Variants in ZSWIM5 observed in about 807,000 individuals in gnomAD.
ZSWIM5 encodes zinc finger SWIM-type containing 5, also known as zinc finger SWIM domain-containing protein 5.
Under a neutral mutation model 119.6 loss-of-function variants are expected in ZSWIM5, and 55 were observed. The ratio of observed to expected loss-of-function variants is 0.46; its 90% CI spans 0.37 to 0.58. ZSWIM5 has a LOEUF of 0.58. Ranked by LOEUF, ZSWIM5 falls within the 20% of genes least tolerant of loss-of-function variation. The pLI is 0.00. For synonymous variants in ZSWIM5, 537 were observed against 606.9 expected (o/e 0.88, Z 1.69); for missense variants, 1,193 against 1,512.8 (o/e 0.79, Z 3.51).
chr1:45,199,000 A>G (rs1646142239), intron 1 of ZSWIM5, among the ~76,000 whole-genome samples: 1 of 152,192 alleles, frequency 6.6e-6, no homozygotes, highest in Non-Finnish European at 1.5e-5. Flanking sequence ...TTGCTTAAGT[A>G]TATGATTAGC....
At chr1:45,103,441 C>T (rs1202753105) in intron 1 of ZSWIM5, among the ~76,000 whole-genome samples, 3 of 152,176 alleles carry the variant, frequency 2.0e-5, no homozygotes, top group African/African-American at 4.8e-5. Context: ...GATCACACAA[C>T]CTGTAAAATG....
In ZSWIM5 at chr1:45,032,595, C is replaced by T. The variant is rs957947681; in HGVS notation, c.2449+1717G>A. 3.4e-5 allele frequency among the ~76,000 whole-genome samples: 5 copies of T among 148,900 alleles called. No individual in the cohort carries two copies. The South Asian group carries it at 6.4e-4, about 19-fold the overall frequency. On this transcript the variant is annotated intron_variant, in intron 11 of 13. Coordinates refer to ENST00000359600, the MANE Select transcript of ZSWIM5 (RefSeq NM_020883.2). ...CTGCTTCCCAGGTTCAAGCGATCCT[C>T]GTGCCACAGCCTCCTGAGTAGCTGG...
At chr1:45,159,613 G>A (rs538003483) in intron 1 of ZSWIM5, among the ~76,000 whole-genome samples, 2 of 151,890 alleles carry the variant, frequency 1.3e-5, no homozygotes, top group Non-Finnish European at 2.9e-5. Flanking sequence ...TTTTCAGACT[G>A]AGTCTTACTC....
chr1:45,088,342 C>T lies in ZSWIM5; in HGVS notation c.596-105G>A. 1 of 785,542 alleles carries T rather than the reference C, an allele frequency of 1.3e-6. No homozygotes were observed. Among genetic ancestry groups the T allele is most frequent in the Non-Finnish European group, 2.0e-6 (1 of 506,736 alleles). 48.7% of individuals were successfully genotyped at this position (785,542 alleles called of 1,614,324 possible). Reference sequence around the variant, plus strand: ...AATTCATAAATTATGTATTGGGTATCTCCTACACACGTACATGATAGGCTT... The same window carrying T: ...AATTCATAAATTATGTATTGGGTATTTCCTACACACGTACATGATAGGCTT... On this transcript the variant is annotated intron_variant, in intron 1 of 13. Coordinates refer to ENST00000359600, the MANE Select transcript of ZSWIM5 (RefSeq NM_020883.2). This position sits in a 1 kb window ranked among gnomAD's most constrained non-coding sequence, Gnocchi z 4.2.
At chr1:45,058,467 G>T in intron 4 of ZSWIM5, 142 bp downstream of exon 4, 1 of 916,434 alleles carries the variant, frequency 1.1e-6, no homozygotes, top group Non-Finnish European at 1.6e-6. Flanking sequence ...GTGTTACTCT[G>T]GGTGGCCTCT....
intron 1 of ZSWIM5, among the ~76,000 whole-genome samples, chr1:45,139,362 T>C (rs1343661538): frequency 1.3e-5 from 2 of 151,288 alleles, no homozygotes; most frequent in Non-Finnish European, 3.0e-5. Context: ...CTTTCTTTTC[T>C]TTTCTTTTTT....
rs1645028692 is a variant in ZSWIM5 at position 45,043,455 on chromosome 1, G to A, written c.1433-60C>T. On this transcript the variant is annotated intron_variant, in intron 5 of 13. Transcript: ENST00000359600. Reference sequence around the variant, plus strand: ...AGGCAATTTGAAGTTTTAAGCCCTGGGTCTTCTTCAGGGTGGGAGGTTGGC... The same window carrying A: ...AGGCAATTTGAAGTTTTAAGCCCTGAGTCTTCTTCAGGGTGGGAGGTTGGC... 3.2e-6 allele frequency: 5 copies of A among 1,558,422 alleles called. No individual in the cohort carries two copies. In the East Asian group the frequency reaches 1.1e-4, roughly 35 times the overall value.
intron 1 of ZSWIM5, among the ~76,000 whole-genome samples, chr1:45,182,763 C>T (rs1473958292): frequency 1.3e-5 from 2 of 152,050 alleles, no homozygotes; most frequent in Non-Finnish European, 1.5e-5. Context: ...TCCTGAGTGA[C>T]CTACAAAGAG....
At chr1:45,106,059 C>G (rs1388864153) in intron 1 of ZSWIM5, among the ~76,000 whole-genome samples, 3 of 136,194 alleles carry the variant, frequency 2.2e-5, no homozygotes, top group Non-Finnish European at 3.2e-5. Context: ...GCCGCCCCGT[C>G]TGGGAGGTGA....
chr1:45,027,378 T>C (rs1253954850), intron 11 of ZSWIM5, among the ~76,000 whole-genome samples: 4 of 151,946 alleles, frequency 2.6e-5, no homozygotes, highest in African/African-American at 9.7e-5. Context: ...GATTTTATTT[T>C]ATAATTATTT....
intron 1 of ZSWIM5, among the ~76,000 whole-genome samples, chr1:45,200,973 G>A (rs964900932): frequency 2.0e-5 from 3 of 152,166 alleles, no homozygotes; most frequent in Non-Finnish European, 4.4e-5. Flanking sequence ...TTTGGGAATA[G>A]GGTTGTTGTG....
At chr1:45,133,281 T>C (rs1305324467) in intron 1 of ZSWIM5, among the ~76,000 whole-genome samples, 5 of 152,220 alleles carry the variant, frequency 3.3e-5, no homozygotes, top group Admixed American at 3.3e-4. Context: ...ACCTGTTGTT[T>C]CCTGACTTTT....
chr1:45,121,283 T>C (rs1272688314), intron 1 of ZSWIM5, among the ~76,000 whole-genome samples: 1 of 152,000 alleles, frequency 6.6e-6, no homozygotes, highest in Non-Finnish European at 1.5e-5. Flanking sequence ...CTTTGGATTA[T>C]TTTTTCTCAT....
In ZSWIM5 at chr1:45,205,184, C is replaced by T. The variant is rs1432036142; in HGVS notation, c.595+572G>A. Reference sequence around the variant, plus strand: ...GGAGAAGCTGTCACATTTCCATCTTCGGTTATTGTTAGTCCGCAGCCTAGA... The same window carrying T: ...GGAGAAGCTGTCACATTTCCATCTTTGGTTATTGTTAGTCCGCAGCCTAGA... On this transcript the variant is annotated intron_variant, in intron 1 of 13. Coordinates refer to ENST00000359600, the MANE Select transcript of ZSWIM5 (RefSeq NM_020883.2). 4.7e-5 allele frequency among the ~76,000 whole-genome samples: 7 copies of T among 149,502 alleles called. No individual in the cohort carries two copies. The East Asian group carries it at 5.9e-4, about 13-fold the overall frequency.
Position 45,057,422 on chromosome 1 carries a change from T to C in ZSWIM5, c.1252+1187A>G, listed in dbSNP as rs1048009530. Among the ~76,000 whole-genome samples the C allele has an allele frequency of 2.6e-5, 4 of 152,342 alleles. No homozygotes were observed. In the East Asian group the frequency reaches 7.7e-4, roughly 29 times the overall value. On this transcript the variant is annotated intron_variant, in intron 4 of 13. Transcript: ENST00000359600. This position sits in a 1 kb window ranked among gnomAD's most constrained non-coding sequence, Gnocchi z 4.7. ...AAAAGCACCAGGAGCCATCTCTACT[T>C]ACTTCCTCCCAACTACCTTTGTCCC...
intron 1 of ZSWIM5, among the ~76,000 whole-genome samples, chr1:45,107,976 T>G (rs1338679746): frequency 6.6e-6 from 1 of 152,094 alleles, no homozygotes. Context: ...TTTTATTTTT[T>G]GTAGAGATGG....
At position 45,039,153 on chromosome 1, in the gene ZSWIM5, C is replaced by T; in HGVS notation, c.1757-80G>A. ...TCCCTGCCTGGGTCTTCTTATCAGTCTCTCCAGCCTTGACCCTGAGAGTCA... is the reference window on the plus strand; with the variant it reads ...TCCCTGCCTGGGTCTTCTTATCAGTTTCTCCAGCCTTGACCCTGAGAGTCA... On this transcript the variant is annotated intron_variant, in intron 7 of 13. Coordinates refer to ENST00000359600, the MANE Select transcript of ZSWIM5 (RefSeq NM_020883.2). The T allele has an allele frequency of 2.0e-6, 3 of 1,524,334 alleles. No homozygotes were observed. The South Asian group carries it at 3.6e-5, about 18-fold the overall frequency. 94.4% of individuals were successfully genotyped at this position (1,524,334 alleles called of 1,614,324 possible).
chr1:45,158,355 G>A (rs1645843682), intron 1 of ZSWIM5, among the ~76,000 whole-genome samples: 1 of 151,878 alleles, frequency 6.6e-6, no homozygotes, highest in Admixed American at 6.6e-5. Context: ...TTTTAGTAGA[G>A]GCAGGGTTTT....
At chr1:45,197,579 C>T (rs4660295) in intron 1 of ZSWIM5, among the ~76,000 whole-genome samples, 22,033 of 152,010 alleles carry the variant, frequency 0.14, 1,642 homozygotes, top group Non-Finnish European at 0.16. Context: ...TTTCTAGTTT[C>T]GGGCTATTAT....
Sources: gnomAD v4.1 joint callset for allele counts (sites outside exome capture counted in the v4.1 genomes callset) on GRCh38, gnomAD v4.1.1 for gene constraint, Gnocchi (gnomAD v3.1) non-coding constraint, MANE v1.5 for transcripts, NCBI Gene and HGNC (gene_info 2026-07-23, HGNC 2026-07-21) for gene names.